MAN2A1: variants seen among roughly 807,000 people sequenced by gnomAD.
MAN2A1 encodes the protein mannosidase alpha class 2A member 1, also known as alpha-mannosidase 2.
In MAN2A1, 76 loss-of-function variants were observed where a neutral mutation model predicts 142.6. That is an observed-to-expected ratio of 0.53 (90% CI 0.44 to 0.65). MAN2A1 has a LOEUF of 0.65. Ranked by LOEUF, MAN2A1 falls within the 30% of genes least tolerant of loss-of-function variation. The pLI is 0.00. For synonymous variants in MAN2A1, 559 were observed against 473.2 expected (o/e 1.18, Z -2.35); for missense variants, 1,311 against 1,365.1 (o/e 0.96, Z 0.62).
intron 20 of MAN2A1, 62 bp downstream of exon 20, chr5:109,855,396 TAAGGA>T: frequency 9.2e-7 from 1 of 1,084,980 alleles, no homozygotes; most frequent in Non-Finnish European, 1.2e-6. Context: ...TTTAAGGGGG[TAAGGA>T]AAGGAGAAAA....
chr5:109,806,303 C>T (rs148862226), intron 12 of MAN2A1, among the ~76,000 whole-genome samples: 1 of 152,262 alleles, frequency 6.6e-6, no homozygotes, highest in East Asian at 1.9e-4. Flanking sequence ...ATTTCTATGG[C>T]TACATAACCA....
intron 5 of MAN2A1, among the ~76,000 whole-genome samples, chr5:109,756,193 G>T (rs1269209065): frequency 6.6e-6 from 1 of 152,054 alleles, no homozygotes; most frequent in Non-Finnish European, 1.5e-5. Flanking sequence ...CATATGAGTG[G>T]CCTCATGGAA....
At chr5:109,828,082 G>A (rs1406217797) in intron 16 of MAN2A1, among the ~76,000 whole-genome samples, 1 of 148,314 alleles carries the variant, frequency 6.7e-6, no homozygotes, top group Non-Finnish European at 1.5e-5. Context: ...TCCAACCTGG[G>A]CAACAGAGCG....
At chr5:109,859,412 A>G (rs1175422294) in intron 20 of MAN2A1, among the ~76,000 whole-genome samples, 1 of 152,162 alleles carries the variant, frequency 6.6e-6, no homozygotes, top group African/African-American at 2.4e-5. Flanking sequence ...TTGTATTCAG[A>G]TGAAAAGGGG....
intron 4 of MAN2A1, among the ~76,000 whole-genome samples, chr5:109,730,198 A>C (rs746075212): frequency 6.6e-6 from 1 of 152,098 alleles, no homozygotes; most frequent in Non-Finnish European, 1.5e-5. Flanking sequence ...TTGTTGGCCA[A>C]TTTGATGGTT....
chr5:109,836,647 C>T (rs12518635), intron 16 of MAN2A1, among the ~76,000 whole-genome samples: 56,445 of 152,010 alleles, frequency 0.37, 11,309 homozygotes, highest in African/African-American at 0.53. Context: ...AGCCTCCTGA[C>T]GGTGACCTAC....
At chr5:109,796,335 T>A (rs886866328) in intron 12 of MAN2A1, among the ~76,000 whole-genome samples, 1 of 152,222 alleles carries the variant, frequency 6.6e-6, no homozygotes, top group African/African-American at 2.4e-5. Flanking sequence ...ACTGGTTCCA[T>A]AGTCAAAGGA....
intron 1 of MAN2A1, among the ~76,000 whole-genome samples, chr5:109,700,000 T>A (rs1459030273): frequency 1.3e-5 from 2 of 152,218 alleles, no homozygotes; most frequent in Non-Finnish European, 2.9e-5. Flanking sequence ...AAGGAAATAT[T>A]CTGAGCATTA....
intron 8 of MAN2A1, among the ~76,000 whole-genome samples, chr5:109,776,735 C>A (rs115568360): frequency 5.4e-4 from 82 of 152,242 alleles, no homozygotes; most frequent in South Asian, 1.7e-3. Context: ...TATTGTCCCT[C>A]AGATCTCTTT....
At chr5:109,720,331 T>G (rs1751565988) in intron 3 of MAN2A1, among the ~76,000 whole-genome samples, 1 of 152,246 alleles carries the variant, frequency 6.6e-6, no homozygotes, top group Non-Finnish European at 1.5e-5. Context: ...TTTGCAATTC[T>G]TTTGTAGAAC....
chr5:109,733,249 A>G (rs1385663770), intron 4 of MAN2A1, among the ~76,000 whole-genome samples: 1 of 152,178 alleles, frequency 6.6e-6, no homozygotes, highest in East Asian at 1.9e-4. Flanking sequence ...TTATCAGCTT[A>G]AGGAGATTTT....
At chr5:109,863,204 A>T (rs1454738073) in intron 20 of MAN2A1, 1 of 152,196 alleles carries the variant, frequency 6.6e-6, no homozygotes, top group Non-Finnish European at 1.5e-5. Context: ...GTTAATCTGA[A>T]TCCAGACTTT....
chr5:109,769,067 G>A (rs996576816), intron 6 of MAN2A1, among the ~76,000 whole-genome samples: 3 of 152,134 alleles, frequency 2.0e-5, no homozygotes, highest in African/African-American at 7.2e-5. Context: ...TAGCGCATAA[G>A]GAGAATTAGT....
chr5:109,763,832 C>A (rs1468380243), intron 5 of MAN2A1, among the ~76,000 whole-genome samples: 1 of 149,580 alleles, frequency 6.7e-6, no homozygotes, highest in African/African-American at 2.5e-5. Flanking sequence ...GACGGAGTCT[C>A]ACTCTATCTC....
intron 12 of MAN2A1, among the ~76,000 whole-genome samples, chr5:109,813,537 A>G (rs1373805730): frequency 6.6e-6 from 1 of 152,222 alleles, no homozygotes; most frequent in African/African-American, 2.4e-5. Context: ...GGGGTTGCCC[A>G]TGCAGGTCTG....
At position 109,758,470 on chromosome 5, in the gene MAN2A1, G is replaced by GT. The variant is rs1348676847; in HGVS notation, c.835+3020dup. 4.7e-4 allele frequency among the ~76,000 whole-genome samples: 71 copies of GT among 151,408 alleles called. 1 individual carries two copies. Among genetic ancestry groups the GT allele is most frequent in the African/African-American group, 1.6e-3 (66 of 41,404 alleles). On this transcript the variant is annotated intron_variant, in intron 5 of 21. Coordinates refer to ENST00000261483, the MANE Select transcript of MAN2A1 (RefSeq NM_002372.4). ...TACAAATTTATTTTCTCATTCTGTG[G>GT]TTTTTTCACTTTCTTGAAGGTGTCT...
chr5:109,712,837 T>C (rs932476861), intron 1 of MAN2A1, among the ~76,000 whole-genome samples: 5 of 152,152 alleles, frequency 3.3e-5, no homozygotes, highest in African/African-American at 1.2e-4. Context: ...GTGAACAAGG[T>C]AAAGATTGTC....
intron 1 of MAN2A1, among the ~76,000 whole-genome samples, chr5:109,693,134 G>A (rs909571131): frequency 1.1e-4 from 17 of 152,042 alleles, no homozygotes; most frequent in African/African-American, 4.1e-4. Context: ...TTATTTTGAA[G>A]CCATAATGAA....
chr5:109,693,495 A>G (rs1255771477), intron 1 of MAN2A1, among the ~76,000 whole-genome samples: 1 of 151,978 alleles, frequency 6.6e-6, no homozygotes, highest in Non-Finnish European at 1.5e-5. Context: ...GTTTCAGTTG[A>G]TACGGAACCT....
Sources: allele counts gnomAD v4.1 joint callset (sites outside exome capture counted in the v4.1 genomes callset), GRCh38; gene constraint gnomAD v4.1.1; transcripts MANE v1.5; gene names NCBI Gene and HGNC (gene_info 2026-07-23, HGNC 2026-07-21).